The following AFF3 variants were observed in gnomAD, a reference collection of about 807,000 sequenced individuals.
AFF3 encodes AF4/FMR2 family member 3.
In AFF3, 32 loss-of-function variants were observed where a neutral mutation model predicts 129.7. The ratio of observed to expected loss-of-function variants is 0.25; its 90% CI spans 0.19 to 0.33. AFF3 has a LOEUF of 0.33. Ranked by LOEUF, AFF3 falls within the 10% of genes least tolerant of loss-of-function variation. The pLI is 1.00. For missense variants in AFF3, 1,373 were observed against 1,592.0 expected (o/e 0.86, Z 2.34); for synonymous variants, 644 against 635.4 (o/e 1.01, Z -0.20).
At chr2:100,090,970 G>A (rs1266733683) in intron 4 of AFF3, among the ~76,000 whole-genome samples, 8 of 152,190 alleles carry the variant, frequency 5.3e-5, no homozygotes, top group African/African-American at 1.7e-4. Flanking sequence ...GATTACAGGC[G>A]TGAGCCACCA....
intron 8 of AFF3, among the ~76,000 whole-genome samples, chr2:99,778,909 T>TGTGC (rs1684171869): frequency 7.1e-6 from 1 of 140,544 alleles, no homozygotes; most frequent in Admixed American, 6.8e-5. Context: ...TGTGTGTGTG[T>TGTGC]GTGTGTGTGT....
intron 7 of AFF3, among the ~76,000 whole-genome samples, chr2:99,903,533 A>G (rs965774980): frequency 6.6e-6 from 1 of 152,194 alleles, no homozygotes; most frequent in Non-Finnish European, 1.5e-5. Context: ...TTAAAATTAG[A>G]GTTCAAGAAA....
intron 11 of AFF3, among the ~76,000 whole-genome samples, chr2:99,711,549 G>A (rs976141832): frequency 2.6e-5 from 4 of 152,126 alleles, no homozygotes; most frequent in Non-Finnish European, 5.9e-5. Context: ...AGGTGGGCGG[G>A]CTTCAGTGTG....
chr2:99,570,331 G>A (rs895266863), intron 18 of AFF3, among the ~76,000 whole-genome samples: 2 of 152,088 alleles, frequency 1.3e-5, no homozygotes, highest in African/African-American at 4.8e-5. Flanking sequence ...TCTGGCAATT[G>A]ATGTTATTTT....
intron 13 of AFF3, among the ~76,000 whole-genome samples, chr2:99,605,172 G>A (rs1041816174): frequency 2.0e-5 from 3 of 152,198 alleles, no homozygotes; most frequent in African/African-American, 7.2e-5. Flanking sequence ...AACCTTATAC[G>A]TTAATGTTTT....
intron 11 of AFF3, among the ~76,000 whole-genome samples, chr2:99,716,901 T>C (rs958628972): frequency 6.6e-6 from 1 of 150,654 alleles, no homozygotes; most frequent in African/African-American, 2.4e-5. Flanking sequence ...AATATATATA[T>C]ATATATCCCA....
intron 8 of AFF3, among the ~76,000 whole-genome samples, chr2:99,776,017 A>C (rs1683876050): frequency 6.6e-6 from 1 of 152,234 alleles, no homozygotes; most frequent in South Asian, 2.1e-4. Context: ...AAAAATACCA[A>C]GCTTCTACAG....
intron 7 of AFF3, among the ~76,000 whole-genome samples, chr2:99,902,009 T>C (rs938396883): frequency 2.6e-5 from 4 of 151,292 alleles, no homozygotes; most frequent in African/African-American, 9.7e-5. Flanking sequence ...CCTCTGTGCC[T>C]CCTTTGCGTC....
At chr2:99,781,040 AT>A (rs1305761367) in intron 8 of AFF3, among the ~76,000 whole-genome samples, 2 of 152,170 alleles carry the variant, frequency 1.3e-5, no homozygotes, top group Non-Finnish European at 2.9e-5. Context: ...AGGTTCTTGG[AT>A]CTGGCCCTGG....
chr2:99,839,292 T>C (rs750011382), intron 7 of AFF3, among the ~76,000 whole-genome samples: 21 of 152,228 alleles, frequency 1.4e-4, no homozygotes, highest in Non-Finnish European at 2.5e-4. Context: ...GTATTTTTAG[T>C]AGAGATGGGG....
chr2:99,812,220 C>T (rs1177959873), intron 8 of AFF3, among the ~76,000 whole-genome samples: 2 of 152,222 alleles, frequency 1.3e-5, no homozygotes, highest in East Asian at 1.9e-4. Flanking sequence ...TTTTCTCCCT[C>T]TCCATTTTTT....
At chr2:100,026,689 T>A (rs973957010) in intron 4 of AFF3, among the ~76,000 whole-genome samples, 1 of 144,412 alleles carries the variant, frequency 6.9e-6, no homozygotes, top group Non-Finnish European at 1.5e-5. Context: ...AAACTGTGAT[T>A]GATATATATA....
chr2:99,666,058 G>A (rs1575637914), intron 12 of AFF3, among the ~76,000 whole-genome samples: 1 of 152,182 alleles, frequency 6.6e-6, no homozygotes, highest in Admixed American at 6.5e-5. Context: ...CTTTGGATAG[G>A]AGCAGGGCAG....
intron 11 of AFF3, among the ~76,000 whole-genome samples, chr2:99,704,602 G>A (rs933813821): frequency 3.9e-5 from 6 of 152,198 alleles, no homozygotes; most frequent in East Asian, 1.9e-4. Flanking sequence ...TAGCAGTGCC[G>A]TGAAAACTAT....
At chr2:99,648,915 A>ACTCTCTCTCTCTCTCTCTCTCTCT (rs1275377590) in intron 13 of AFF3, among the ~76,000 whole-genome samples, 3 of 35,584 alleles carry the variant, frequency 8.4e-5, no homozygotes, top group Admixed American at 3.4e-4. Context: ...ACACACACAC[A>ACTCTCTCTCTCTCTCTCTCTCTCT]CACTCTCTCT....
At chr2:99,831,161 G>T (rs1688494276) in intron 8 of AFF3, among the ~76,000 whole-genome samples, 2 of 152,174 alleles carry the variant, frequency 1.3e-5, no homozygotes, top group African/African-American at 4.8e-5. Flanking sequence ...TGGGAATTGG[G>T]TTTTTTTCTC....
chr2:100,110,376 G>T (rs1206643046), intron 2 of AFF3: 1 of 152,282 alleles, frequency 6.6e-6, no homozygotes, highest in African/African-American at 2.4e-5. Flanking sequence ...TGTTCAGGAA[G>T]AGGACACTTA....
intron 10 of AFF3, among the ~76,000 whole-genome samples, chr2:99,736,577 A>G (rs1483319908): frequency 6.7e-6 from 1 of 149,206 alleles, no homozygotes; most frequent in Admixed American, 6.7e-5. Context: ...TTATTGAATC[A>G]TTGCATCTAA....
Position 99,558,917 on chromosome 2 carries a change from G to A in AFF3, c.3243C>T (p.Asp1081=). 1 of 1,614,154 alleles carries A rather than the reference G, an allele frequency of 6.2e-7. No individual in the cohort carries two copies. The highest frequency in any genetic ancestry group is 8.5e-7 in the Non-Finnish European group (1 of 1,180,016). ...LYWRMFRLKR[D]HAVKYSKALI... is the part of the protein sequence containing the mutation. The stretch of plus-strand genomic sequence containing the variant: ...GTGCTTTTGAATACTTTACAGCGTG[G>A]TCCCTTTTGAGTCGAAACATCCGCC... Residue 1081 remains aspartate (D), a synonymous_variant, in exon 22 of 25, where the codon GAC becomes GAT. Coordinates refer to ENST00000672756, the MANE Select transcript of AFF3 (RefSeq NM_001386135.1).
Sources: gnomAD v4.1 joint callset for allele counts (sites outside exome capture counted in the v4.1 genomes callset) on GRCh38, gnomAD v4.1.1 for gene constraint, MANE v1.5 for transcripts, NCBI Gene and HGNC (gene_info 2026-07-23, HGNC 2026-07-21) for gene names.